Variants in COL5A2 observed in about 807,000 individuals in gnomAD.
COL5A2 encodes the protein collagen type V alpha 2 chain.
Under a neutral mutation model 208.2 loss-of-function variants are expected in COL5A2, and 23 were observed. That is an observed-to-expected ratio of 0.11 (90% CI 0.08 to 0.16). COL5A2 has a LOEUF of 0.16. Among genes scored for constraint, COL5A2 ranks in the 10% least tolerant of loss-of-function variants. COL5A2 has a pLI of 1.00. For missense variants in COL5A2, 1,590 were observed against 1,956.4 expected (o/e 0.81, Z 3.53); for synonymous variants, 625 against 628.5 (o/e 0.99, Z 0.08).
chr2:189,094,542 T>C (rs72906338), intron 6 of COL5A2, among the ~76,000 whole-genome samples: 19,401 of 116,972 alleles, frequency 0.17, 1,468 homozygotes, highest in Middle Eastern at 0.31. Context: ...CGGGAACTGT[T>C]AAAGAACTTC....
chr2:189,241,040 A>T, the COL5A2 span, among the ~76,000 whole-genome samples: 1 of 152,184 alleles, frequency 6.6e-6, no homozygotes. Flanking sequence ...ACAGCTTGCC[A>T]CGCAAAGTTA....
the COL5A2 span, among the ~76,000 whole-genome samples, chr2:189,264,290 T>C: frequency 3.3e-5 from 5 of 152,190 alleles, no homozygotes; most frequent in South Asian, 4.1e-4. Context: ...AGTATGGATA[T>C]TGAAAGGAAA....
At chr2:189,274,735 C>A in the COL5A2 span, among the ~76,000 whole-genome samples, 10 of 151,782 alleles carry the variant, frequency 6.6e-5, no homozygotes, top group Non-Finnish European at 1.5e-5. Context: ...ATTACCATTT[C>A]ATGCCAAAGA....
At chr2:189,416,749 CTGTTA>C in the COL5A2 span, among the ~76,000 whole-genome samples, 3 of 152,088 alleles carry the variant, frequency 2.0e-5, no homozygotes, top group Non-Finnish European at 2.9e-5. Context: ...TTTATAGTAT[CTGTTA>C]TATTTTTTCC....
intron 42 of COL5A2, among the ~76,000 whole-genome samples, chr2:189,050,901 A>AT (rs1299472354): frequency 6.6e-6 from 1 of 152,204 alleles, no homozygotes; most frequent in Non-Finnish European, 1.5e-5. Flanking sequence ...GAAACTGAAG[A>AT]TTAATGTGAA....
chr2:189,153,891 C>T (rs973896589), intron 1 of COL5A2, among the ~76,000 whole-genome samples: 12 of 152,004 alleles, frequency 7.9e-5, no homozygotes, highest in African/African-American at 2.2e-4. Flanking sequence ...ACTGGTAAGA[C>T]GCATTTTCCT....
At chr2:189,271,972 G>A in the COL5A2 span, among the ~76,000 whole-genome samples, 4 of 152,160 alleles carry the variant, frequency 2.6e-5, no homozygotes, top group East Asian at 1.9e-4. Flanking sequence ...ACCATCTTAC[G>A]TTAGTTAGAA....
At chr2:189,124,566 T>TA (rs1317904735) in intron 1 of COL5A2, among the ~76,000 whole-genome samples, 1 of 152,084 alleles carries the variant, frequency 6.6e-6, no homozygotes, top group South Asian at 2.1e-4. Flanking sequence ...CAGGGGATGA[T>TA]AAAAAAGTCA....
At chr2:189,227,187 C>T (rs1032326948), upstream of COL5A2, among the ~76,000 whole-genome samples, 3 of 151,892 alleles carry the variant, frequency 2.0e-5, no homozygotes, top group African/African-American at 7.3e-5. Flanking sequence ...CAGACACCAA[C>T]ACAAATGGGG....
the COL5A2 span, among the ~76,000 whole-genome samples, chr2:189,361,200 G>T: frequency 6.6e-6 from 1 of 152,044 alleles, no homozygotes; most frequent in Non-Finnish European, 1.5e-5. Flanking sequence ...ATTGTTGAAA[G>T]AGGATGTCAA....
At chr2:189,060,039 A>G (rs962582894) in intron 31 of COL5A2, among the ~76,000 whole-genome samples, 14 of 151,988 alleles carry the variant, frequency 9.2e-5, no homozygotes, top group Admixed American at 1.3e-4. Flanking sequence ...AGCTTGTCTC[A>G]TTTCCTGGAG....
intron 1 of COL5A2, among the ~76,000 whole-genome samples, chr2:189,138,225 C>T (rs1465903938): frequency 6.6e-6 from 1 of 152,244 alleles, no homozygotes; most frequent in East Asian, 1.9e-4. Context: ...CCACCCTCCT[C>T]GGCCTCCCAA....
At chr2:189,418,627 T>C in the COL5A2 span, among the ~76,000 whole-genome samples, 1 of 152,214 alleles carries the variant, frequency 6.6e-6, no homozygotes, top group Non-Finnish European at 1.5e-5. Context: ...TGCAGGCCTT[T>C]AGAGATTATC....
intron 2 of COL5A2, 112 bp from the exon 3 acceptor site, chr2:189,104,389 A>T (rs1269983078): frequency 2.5e-6 from 2 of 805,986 alleles, no homozygotes; most frequent in Admixed American, 3.6e-5. Context: ...TTACAGTGAT[A>T]GTGATTACAC....
chr2:189,087,908 T>G (rs1686699893), intron 8 of COL5A2, among the ~76,000 whole-genome samples: 1 of 151,894 alleles, frequency 6.6e-6, no homozygotes, highest in African/African-American at 2.4e-5. Flanking sequence ...AAAAAAAAGT[T>G]CCCAAAAGAA....
intron 52 of COL5A2, 94 bp downstream of exon 52, chr2:189,036,522 G>T: frequency 9.7e-7 from 1 of 1,032,338 alleles, no homozygotes; most frequent in Non-Finnish European, 1.4e-6. Flanking sequence ...AATAAGCCTG[G>T]TTTAAAAAAA....
chr2:189,062,741 C>A, intron 29 of COL5A2, 124 bp downstream of exon 29: 1 of 1,061,362 alleles, frequency 9.4e-7, no homozygotes, highest in South Asian at 1.3e-5. Flanking sequence ...AGAAATTCTT[C>A]ATTCCCATAC....
At chr2:189,205,543 G>A (rs1226063721) in intron 1 of COL5A2, among the ~76,000 whole-genome samples, 1 of 152,134 alleles carries the variant, frequency 6.6e-6, no homozygotes, top group Non-Finnish European at 1.5e-5. Context: ...TTGGCCTTGG[G>A]TTTGATTCTT....
At chr2:189,051,780 A>T (rs1386115382) in intron 41 of COL5A2, among the ~76,000 whole-genome samples, 1 of 152,234 alleles carries the variant, frequency 6.6e-6, no homozygotes, top group Non-Finnish European at 1.5e-5. Flanking sequence ...CACTCCAATG[A>T]TGAATATATA....
Sources: allele counts gnomAD v4.1 joint callset (sites outside exome capture counted in the v4.1 genomes callset), GRCh38; gene constraint gnomAD v4.1.1; transcripts MANE v1.5; gene names NCBI Gene and HGNC (gene_info 2026-07-23, HGNC 2026-07-21).